The following GNB1 variants were observed in gnomAD, a reference collection of about 807,000 sequenced individuals.
GNB1 encodes G protein subunit beta 1.
A neutral mutation model predicts 42.9 loss-of-function variants in GNB1; 2 were observed. That is an observed-to-expected ratio of 0.05 (90% confidence interval 0.02 to 0.15). The LOEUF (loss-of-function observed/expected upper bound fraction) is 0.15, where lower values mean the gene tolerates loss of function less well. GNB1 is among the 10% of genes least tolerant of loss of function. The probability of loss-of-function intolerance (pLI) is 1.00; values close to 1 mark genes in which losing one functional copy is unlikely to be tolerated. For missense variants in GNB1, 193 were observed against 462.2 expected (o/e 0.42, Z 5.34); for synonymous variants, 183 against 174.7 (o/e 1.05, Z -0.38).
intron 1 of GNB1, among the ~76,000 whole-genome samples, chr1:1,880,495 A>G (rs1649783354): frequency 6.6e-6 from 1 of 152,114 alleles, no homozygotes; most frequent in Non-Finnish European, 1.5e-5. Context: ...AGGCCGAGGC[A>G]GAATTGCGTG....
intron 1 of GNB1, among the ~76,000 whole-genome samples, chr1:1,849,902 C>T (rs183963285): frequency 6.6e-6 from 1 of 152,066 alleles, no homozygotes; most frequent in Non-Finnish European, 1.5e-5. Flanking sequence ...ATTTCTTCTG[C>T]CCCGTTTTCT....
At chr1:1,888,389 C>T (rs1031342816) in intron 1 of GNB1, among the ~76,000 whole-genome samples, 3 of 150,276 alleles carry the variant, frequency 2.0e-5, no homozygotes, top group Non-Finnish European at 4.4e-5. Flanking sequence ...AAAAGGCGGG[C>T]GGGGGGAGCA....
At chr1:1,848,405 A>T (rs762331701) in intron 1 of GNB1, among the ~76,000 whole-genome samples, 71 of 151,880 alleles carry the variant, frequency 4.7e-4, no homozygotes, top group Non-Finnish European at 9.4e-4. Context: ...AAAAAGAAAG[A>T]AGTCAGAAAT....
In GNB1 at chr1:1,787,468, A is replaced by C; in HGVS notation, c.917-31T>G. On this transcript the variant is annotated intron_variant, in intron 10 of 11. Transcript: ENST00000378609. This position sits in a 1 kb window ranked among gnomAD's most constrained non-coding sequence, Gnocchi z 4.4. ...AGCAAACAACAGCAGAATCACACCA[A>C]AGCCCAGAGGCATCGATCTCACCTG... 2 of 1,310,636 alleles carry C rather than the reference A, an allele frequency of 1.5e-6. No homozygotes were observed. Among genetic ancestry groups the C allele is most frequent in the Non-Finnish European group, 2.2e-6 (2 of 904,650 alleles). 81.2% of individuals were successfully genotyped at this position (1,310,636 alleles called of 1,614,324 possible). A position where few individuals can be genotyped will look rare whatever the true frequency, so the allele number is the denominator to read the frequency against.
At chr1:1,805,463 A>G (rs1385396618) in intron 6 of GNB1, among the ~76,000 whole-genome samples, 4 of 152,288 alleles carry the variant, frequency 2.6e-5, no homozygotes, top group Non-Finnish European at 5.9e-5. Context: ...CTCCGTCTCA[A>G]AAACACAAAA....
chr1:1,882,343 G>A (rs777745758), intron 1 of GNB1, among the ~76,000 whole-genome samples: 30 of 148,826 alleles, frequency 2.0e-4, no homozygotes, highest in Non-Finnish European at 3.8e-4. Flanking sequence ...CAGGAGAAGC[G>A]CCTGAACCTG....
Position 1,887,154 on chromosome 1 carries a change from C to T in GNB1, c.-96+3666G>A, listed in dbSNP as rs116090469. 2.5e-3 allele frequency among the ~76,000 whole-genome samples: 383 copies of T among 152,324 alleles called. 2 individuals are homozygous for T. Among genetic ancestry groups the T allele is most frequent in the Non-Finnish European group, 3.5e-3 (236 of 68,028 alleles). Reference sequence around the variant, plus strand: ...AATATCTATTACCAATCCACTAATGCTAAAGCCAAAGTCACAGACAGTAAG... The same window carrying T: ...AATATCTATTACCAATCCACTAATGTTAAAGCCAAAGTCACAGACAGTAAG... On this transcript the variant is annotated intron_variant, in intron 1 of 11. Transcript: ENST00000378609.
intron 1 of GNB1, among the ~76,000 whole-genome samples, chr1:1,846,220 A>T (rs953399903): frequency 6.6e-6 from 1 of 152,248 alleles, no homozygotes; most frequent in Non-Finnish European, 1.5e-5. Flanking sequence ...ATTAAAAAAA[A>T]AAAGAGGAAA....
At position 1,851,900 on chromosome 1, in the gene GNB1, G is replaced by A. The variant is rs556166708; in HGVS notation, c.-95-12662C>T. On this transcript the variant is annotated intron_variant, in intron 1 of 11. Coordinates refer to ENST00000378609, the MANE Select transcript of GNB1 (RefSeq NM_002074.5). The stretch of plus-strand genomic sequence containing the variant: ...GTCTACTAAAAATACGAAATCAGCC[G>A]GGCATGGTAGCGCATGCTTGTAATC... Among the ~76,000 whole-genome samples the A allele has an allele frequency of 7.1e-4, 107 of 151,634 alleles. 1 individual carries two copies. The highest frequency in any genetic ancestry group is 6.1e-3 in the Admixed American group (93 of 15,242).
chr1:1,853,416 G>A (rs555088405), intron 1 of GNB1, among the ~76,000 whole-genome samples: 5 of 152,214 alleles, frequency 3.3e-5, no homozygotes, highest in East Asian at 1.9e-4. Flanking sequence ...ACATGGGCAC[G>A]AACACCCCAG....
intron 5 of GNB1, among the ~76,000 whole-genome samples, chr1:1,811,818 C>A (rs1252671052): frequency 6.6e-6 from 1 of 152,034 alleles, no homozygotes; most frequent in South Asian, 2.1e-4. Context: ...GTAATCCCAG[C>A]ACTTTGGGAG....
Position 1,786,066 on chromosome 1 carries a change from T to C in GNB1, c.*997A>G. 2 of 398,572 alleles carry C rather than the reference T, an allele frequency of 5.0e-6. No homozygotes were observed. The highest frequency in any genetic ancestry group is 4.1e-5 in the African/African-American group (2 of 48,716). 24.7% of individuals were successfully genotyped at this position (398,572 alleles called of 1,614,324 possible). ...CAATATGGCAAACAATCAAAATTTT[T>C]AAAATTTAACTTAGAAAGTCTGAGA... On this transcript the variant is annotated 3_prime_UTR_variant, in exon 12 of 12. Coordinates refer to ENST00000378609, the MANE Select transcript of GNB1 (RefSeq NM_002074.5).
chr1:1,809,492 T>A (rs1258653843), intron 5 of GNB1, among the ~76,000 whole-genome samples: 1 of 152,220 alleles, frequency 6.6e-6, no homozygotes, highest in Admixed American at 6.5e-5. Flanking sequence ...ATCCAGGTTG[T>A]CATCAACATA....
intron 1 of GNB1, among the ~76,000 whole-genome samples, chr1:1,881,272 T>C (rs1238084977): frequency 6.6e-6 from 1 of 152,108 alleles, no homozygotes; most frequent in Non-Finnish European, 1.5e-5. Context: ...TCCAGACCCC[T>C]TTCCTCTTCT....
At chr1:1,877,327 A>G (rs1223883374) in intron 1 of GNB1, among the ~76,000 whole-genome samples, 1 of 149,372 alleles carries the variant, frequency 6.7e-6, no homozygotes, top group Admixed American at 6.7e-5. Flanking sequence ...ATATATATAT[A>G]TATACACACA....
intron 1 of GNB1, among the ~76,000 whole-genome samples, chr1:1,872,331 C>T (rs1181304395): frequency 6.6e-6 from 1 of 152,202 alleles, no homozygotes; most frequent in African/African-American, 2.4e-5. Context: ...AATTTTTCAA[C>T]GGCTTCCCAC....
intron 1 of GNB1, among the ~76,000 whole-genome samples, chr1:1,852,466 G>A (rs1031276015): frequency 1.3e-5 from 2 of 151,874 alleles, no homozygotes; most frequent in African/African-American, 2.4e-5. Flanking sequence ...TCCTGACCTC[G>A]CGACCCGCCC....
intron 1 of GNB1, among the ~76,000 whole-genome samples, chr1:1,876,546 T>C (rs1197444563): frequency 6.7e-6 from 1 of 149,952 alleles, no homozygotes; most frequent in African/African-American, 2.5e-5. Context: ...CACGAGCCAG[T>C]GAGCAAGCGC....
intron 2 of GNB1, among the ~76,000 whole-genome samples, chr1:1,837,663 G>A (rs550938428): frequency 2.6e-5 from 4 of 151,816 alleles, no homozygotes; most frequent in South Asian, 2.1e-4. Context: ...GGGTTCAAGC[G>A]ATTCCCCTGC....
Sources: allele counts gnomAD v4.1 joint callset (sites outside exome capture counted in the v4.1 genomes callset), GRCh38; gene constraint gnomAD v4.1.1; non-coding constraint Gnocchi (gnomAD v3.1); transcripts MANE v1.5; gene names NCBI Gene and HGNC (gene_info 2026-07-23, HGNC 2026-07-21).